KLHL32: variants seen among roughly 807,000 people sequenced by gnomAD.
KLHL32 encodes kelch like family member 32.
KLHL32 carries 35 observed loss-of-function variants against 64.8 expected under a neutral mutation model. The observed-to-expected ratio is 0.54, with a 90% CI of 0.41 to 0.72. The LOEUF (loss-of-function observed/expected upper bound fraction) is 0.72, where lower values mean the gene tolerates loss of function less well. KLHL32 is among the 30% of genes least tolerant of loss of function. KLHL32 has a pLI of 0.00. For synonymous variants in KLHL32, 259 were observed against 281.0 expected (o/e 0.92, Z 0.78); for missense variants, 589 against 768.5 (o/e 0.77, Z 2.76).
chr6:96,961,818 G>A (rs559816297), intron 1 of KLHL32, among the ~76,000 whole-genome samples: 2 of 152,280 alleles, frequency 1.3e-5, no homozygotes, highest in South Asian at 4.2e-4. Context: ...TGGAGTTTTT[G>A]GCTCTCTGAT....
At chr6:97,069,786 A>T (rs1790411888) in intron 5 of KLHL32, among the ~76,000 whole-genome samples, 1 of 152,100 alleles carries the variant, frequency 6.6e-6, no homozygotes. Flanking sequence ...AGTTTTGCCC[A>T]CTGAATACAT....
chr6:97,069,742 T>C (rs1790404943), intron 5 of KLHL32, among the ~76,000 whole-genome samples: 1 of 152,116 alleles, frequency 6.6e-6, no homozygotes, highest in South Asian at 2.1e-4. Flanking sequence ...AAATTTATGT[T>C]ATAGTAGGAA....
intron 3 of KLHL32, among the ~76,000 whole-genome samples, chr6:97,000,745 A>T (rs548615253): frequency 9.0e-4 from 137 of 152,180 alleles, no homozygotes; most frequent in Non-Finnish European, 1.5e-3. Context: ...ACATTCTCTA[A>T]AAAATACTGC....
intron 6 of KLHL32, among the ~76,000 whole-genome samples, chr6:97,104,790 T>G (rs1796185951): frequency 6.6e-6 from 1 of 152,208 alleles, no homozygotes; most frequent in Admixed American, 6.5e-5. Context: ...ACATTTTCAT[T>G]GTTCTGGTAA....
At chr6:97,031,612 A>G (rs1437094928) in intron 3 of KLHL32, among the ~76,000 whole-genome samples, 1 of 152,284 alleles carries the variant, frequency 6.6e-6, no homozygotes, top group East Asian at 1.9e-4. Flanking sequence ...TGGTGGGATT[A>G]TAGTCATGAC....
At chr6:96,904,624 GT>G in the KLHL32 span, among the ~76,000 whole-genome samples, 1 of 152,048 alleles carries the variant, frequency 6.6e-6, no homozygotes, top group Non-Finnish European at 1.5e-5. Flanking sequence ...TTGTAATAGC[GT>G]TTTTAATGAA....
intron 2 of KLHL32, among the ~76,000 whole-genome samples, chr6:96,968,939 G>A (rs1363079714): frequency 1.3e-5 from 2 of 152,102 alleles, no homozygotes; most frequent in Non-Finnish European, 2.9e-5. Flanking sequence ...TCCACAAATT[G>A]ATTGTTTGAG....
At chr6:97,074,729 T>C (rs1250694983) in intron 5 of KLHL32, among the ~76,000 whole-genome samples, 1 of 151,876 alleles carries the variant, frequency 6.6e-6, no homozygotes, top group East Asian at 1.9e-4. Flanking sequence ...AGTAGGGAAA[T>C]AGATGATAAT....
chr6:97,123,702 G>C (rs769159582), intron 7 of KLHL32, among the ~76,000 whole-genome samples: 1 of 152,114 alleles, frequency 6.6e-6, no homozygotes, highest in African/African-American at 2.4e-5. Context: ...TCCCTGGGGT[G>C]GGGGAGGGAG....
chr6:97,129,095 TGGG>T (rs562310579), intron 8 of KLHL32, among the ~76,000 whole-genome samples: 2 of 152,226 alleles, frequency 1.3e-5, no homozygotes, highest in African/African-American at 4.8e-5. Flanking sequence ...TATGTTCAAA[TGGG>T]GGAACAGATA....
intron 3 of KLHL32, among the ~76,000 whole-genome samples, chr6:97,032,197 A>G (rs546085002): frequency 6.6e-5 from 10 of 152,350 alleles, no homozygotes; most frequent in African/African-American, 2.2e-4. Context: ...GTTGTTTGAA[A>G]TACATAAGTA....
intron 1 of KLHL32, among the ~76,000 whole-genome samples, chr6:96,963,009 A>G (rs555856787): frequency 1.4e-4 from 21 of 152,214 alleles, no homozygotes; most frequent in Non-Finnish European, 2.9e-4. Flanking sequence ...ACACTGTTAA[A>G]TGAAAACCAC....
At chr6:97,100,272 T>C (rs1795533648) in intron 6 of KLHL32, among the ~76,000 whole-genome samples, 2 of 152,226 alleles carry the variant, frequency 1.3e-5, no homozygotes, top group Non-Finnish European at 2.9e-5. Flanking sequence ...GAGAAGGCAG[T>C]GCAAAATATG....
intron 3 of KLHL32, among the ~76,000 whole-genome samples, chr6:96,984,856 C>G (rs1447502796): frequency 2.0e-5 from 3 of 152,124 alleles, no homozygotes; most frequent in African/African-American, 7.2e-5. Context: ...TTAATTGGAG[C>G]ATTTAGCCCA....
intron 3 of KLHL32, among the ~76,000 whole-genome samples, chr6:97,004,703 A>C (rs1315958628): frequency 6.6e-6 from 1 of 152,168 alleles, no homozygotes; most frequent in African/African-American, 2.4e-5. Context: ...TAATTTTATC[A>C]AAAGCCTTTT....
At chr6:96,914,732 A>G in the KLHL32 span, 1 of 151,770 alleles carries the variant, frequency 6.6e-6, no homozygotes, top group African/African-American at 2.4e-5. Flanking sequence ...CCCAGGCTGG[A>G]GTGCATTGGC....
At chr6:97,079,933 A>C (rs2128172847) in intron 5 of KLHL32, among the ~76,000 whole-genome samples, 1 of 152,316 alleles carries the variant, frequency 6.6e-6, no homozygotes, top group South Asian at 2.1e-4. Context: ...ATTTCCATTC[A>C]AAACCACTAC....
intron 1 of KLHL32, among the ~76,000 whole-genome samples, chr6:96,955,275 C>T (rs555661079): frequency 5.3e-5 from 8 of 152,274 alleles, no homozygotes; most frequent in African/African-American, 1.9e-4. Flanking sequence ...ATATATATTC[C>T]TTGATGCAAA....
At chr6:96,974,865 C>T (rs939980917) in intron 2 of KLHL32, among the ~76,000 whole-genome samples, 2 of 152,172 alleles carry the variant, frequency 1.3e-5, no homozygotes, top group African/African-American at 4.8e-5. Context: ...CAGGAATTAC[C>T]AACATGGGAG....
Sources: gnomAD v4.1 joint callset for allele counts (sites outside exome capture counted in the v4.1 genomes callset) on GRCh38, gnomAD v4.1.1 for gene constraint, MANE v1.5 for transcripts, NCBI Gene and HGNC (gene_info 2026-07-23, HGNC 2026-07-21) for gene names.